Variants in METTL6 observed in about 807,000 individuals in gnomAD.
The protein encoded by METTL6 is methyltransferase 6, tRNA N3-cytidine.
A neutral mutation model predicts 26.4 loss-of-function variants in METTL6; 22 were observed. The ratio of observed to expected loss-of-function variants is 0.83; its 90% confidence interval spans 0.59 to 1.19. The LOEUF (loss-of-function observed/expected upper bound fraction) is 1.19. Among genes scored for constraint, METTL6 ranks in the 50% most tolerant of loss-of-function variants. METTL6 has a pLI of 0.00. For synonymous variants in METTL6, 109 were observed against 116.2 expected (o/e 0.94, Z 0.40); for missense variants, 304 against 324.8 (o/e 0.94, Z 0.49).
intron 6 of METTL6, among the ~76,000 whole-genome samples, chr3:15,388,942 T>C (rs574576831): frequency 2.0e-5 from 3 of 152,106 alleles, no homozygotes; most frequent in Non-Finnish European, 4.4e-5. Context: ...ACTGTCTCAG[T>C]TATAATTTTG....
Position 15,426,396 on chromosome 3 carries a change from T to C in METTL6, c.116A>G (p.Gln39Arg). The C allele has an allele frequency of 6.2e-7, 1 of 1,614,264 alleles. No homozygotes were observed. Among genetic ancestry groups the C allele is most frequent in the Non-Finnish European group, 8.5e-7 (1 of 1,180,046 alleles). The change falls in exon 2 of 6, where the codon CAA becomes CGA. Residue 39 changes from glutamine to arginine, a missense_variant. Transcript: ENST00000383790. ...VSDFKQQKLE[Q>R]EAQKNWDLFY... ...AAGATCCCAATTTTTCTGAGCCTCT[T>C]GTTCCAATTTCTGCTGTTTAAAATC...
chr3:15,408,888 T>A (rs1448366802), downstream of METTL6, among the ~76,000 whole-genome samples: 1 of 152,134 alleles, frequency 6.6e-6, no homozygotes, highest in Non-Finnish European at 1.5e-5. Flanking sequence ...GTGAAAGGAC[T>A]TCTACGGAGG....
At chr3:15,391,026 TG>T (rs1310082283) in intron 6 of METTL6, among the ~76,000 whole-genome samples, 2 of 152,330 alleles carry the variant, frequency 1.3e-5, no homozygotes, top group East Asian at 3.9e-4. Flanking sequence ...GATCTTTCCC[TG>T]AAGCCGAGCA....
chr3:15,413,103 G>A (rs1443892576), intron 5 of METTL6, among the ~76,000 whole-genome samples: 2 of 152,042 alleles, frequency 1.3e-5, no homozygotes, highest in African/African-American at 4.8e-5. Context: ...AAATTAGTTG[G>A]GTGTGGTGGC....
At chr3:15,394,023 G>A (rs1699419158) in intron 6 of METTL6, among the ~76,000 whole-genome samples, 1 of 151,752 alleles carries the variant, frequency 6.6e-6, no homozygotes, top group Non-Finnish European at 1.5e-5. Flanking sequence ...AAATGAGTTA[G>A]GGAGGATTCC....
At chr3:15,426,218 C>T in intron 2 of METTL6, 69 bp downstream of exon 2, 1 of 1,475,370 alleles carries the variant, frequency 6.8e-7, no homozygotes, top group Non-Finnish European at 9.4e-7. Flanking sequence ...GGATTACAGG[C>T]ATGAGCCATG....
chr3:15,421,496 T>C (rs1488705777), intron 3 of METTL6, among the ~76,000 whole-genome samples: 1 of 152,192 alleles, frequency 6.6e-6, no homozygotes, highest in Non-Finnish European at 1.5e-5. Context: ...AGGGTCCTGC[T>C]TTGTCACCCA....
intron 6 of METTL6, among the ~76,000 whole-genome samples, chr3:15,396,283 G>A (rs933469637): frequency 2.6e-5 from 4 of 151,920 alleles, no homozygotes; most frequent in African/African-American, 4.8e-5. Flanking sequence ...TGATTGAATC[G>A]GCTACTGAGG....
chr3:15,426,878 C>A (rs1411116872), intron 1 of METTL6, among the ~76,000 whole-genome samples: 1 of 152,162 alleles, frequency 6.6e-6, no homozygotes, highest in Non-Finnish European at 1.5e-5. Context: ...TACAATAAAT[C>A]GATTTAGTTT....
intron 3 of METTL6, among the ~76,000 whole-genome samples, chr3:15,424,016 G>A (rs564045774): frequency 6.6e-6 from 1 of 152,196 alleles, no homozygotes; most frequent in African/African-American, 2.4e-5. Flanking sequence ...AGACCATCCT[G>A]GGCAACATAG....
At chr3:15,397,342 A>G (rs1699517759) in intron 6 of METTL6, among the ~76,000 whole-genome samples, 1 of 152,208 alleles carries the variant, frequency 6.6e-6, no homozygotes, top group African/African-American at 2.4e-5. Context: ...AAAGCGCAGT[A>G]GTAGGGTGGG....
In METTL6 at chr3:15,415,795, G is replaced by A. The variant is rs747896266; in HGVS notation, c.508C>T (p.Leu170Phe). ...LSAVHPDKMH[L>F]VLQNIYKVLK... is the part of the protein sequence containing the mutation. ...ACCTTGTAAATGTTTTGTAAGACAA[G>A]GTGCATCTTATCAGGATGAACAGCT... Residue 170 changes from leucine to phenylalanine, a missense_variant, in exon 4 of 6, where the codon CTT becomes TTT. By Grantham distance (22) the Leu-to-Phe change is conservative. Coordinates refer to ENST00000383790, the MANE Select transcript of METTL6 (RefSeq NM_152396.4). 2 of 1,613,970 alleles carry A rather than the reference G, an allele frequency of 1.2e-6. No individual in the cohort carries two copies. Among genetic ancestry groups the A allele is most frequent in the Non-Finnish European group, 8.5e-7 (1 of 1,179,970 alleles).
At chr3:15,424,842 T>C (rs1244601168) in intron 3 of METTL6, 113 bp downstream of exon 3, 2 of 1,375,182 alleles carry the variant, frequency 1.5e-6, no homozygotes, top group Non-Finnish European at 2.0e-6. Context: ...ATGGTGACTA[T>C]AGCTGGTTAG....
At chr3:15,401,092 T>A (rs1026009617) in intron 6 of METTL6, among the ~76,000 whole-genome samples, 6 of 151,706 alleles carry the variant, frequency 4.0e-5, no homozygotes, top group African/African-American at 1.5e-4. Flanking sequence ...CAGGCTGGAG[T>A]GCAGTGGCGC....
intron 3 of METTL6, among the ~76,000 whole-genome samples, chr3:15,420,138 G>A (rs1217907923): frequency 1.3e-5 from 2 of 152,114 alleles, no homozygotes; most frequent in Admixed American, 6.5e-5. Flanking sequence ...CAGATTACAG[G>A]TGTGAGCCAC....
chr3:15,408,228 TGGCGTGGGTTCTGGGGTG>T (rs1699853850), downstream of METTL6, among the ~76,000 whole-genome samples: 3 of 152,060 alleles, frequency 2.0e-5, no homozygotes, highest in African/African-American at 4.8e-5. Flanking sequence ...GACACAGGGG[TGGCGTGGGTTCTGGGGTG>T]CCAGTCATGC....
chr3:15,415,562 G>A (rs778957671), intron 4 of METTL6: 5 of 1,601,834 alleles, frequency 3.1e-6, no homozygotes, highest in African/African-American at 2.7e-5. Context: ...GGCTGGCGAA[G>A]CTCTGAAGAG....
intron 3 of METTL6, among the ~76,000 whole-genome samples, chr3:15,417,598 G>C (rs918732515): frequency 6.6e-6 from 1 of 151,866 alleles, no homozygotes; most frequent in Admixed American, 6.6e-5. Context: ...GTATCACTGA[G>C]ACAAAACAGA....
chr3:15,419,571 TA>T, intron 3 of METTL6, among the ~76,000 whole-genome samples: 1 of 152,114 alleles, frequency 6.6e-6, no homozygotes, highest in Non-Finnish European at 1.5e-5. Context: ...TTGGTAAATA[TA>T]AAAAAGACTG....
Sources: gnomAD v4.1 joint callset for allele counts (sites outside exome capture counted in the v4.1 genomes callset) on GRCh38, gnomAD v4.1.1 for gene constraint, MANE v1.5 for transcripts, NCBI Gene and HGNC (gene_info 2026-07-23, HGNC 2026-07-21) for gene names.